ANKRD24: variants seen among roughly 807,000 people sequenced by gnomAD.
ANKRD24 encodes ankyrin repeat domain 24, also known as ankyrin repeat domain-containing protein 24.
Under a neutral mutation model 127.8 loss-of-function variants are expected in ANKRD24, and 109 were observed. That is an observed-to-expected ratio of 0.85 (90% confidence interval 0.73 to 1.00). The LOEUF (loss-of-function observed/expected upper bound fraction) is 1.00. Among genes scored for constraint, ANKRD24 ranks in the 50% least tolerant of loss-of-function variants. The pLI is 0.00. For missense variants in ANKRD24, 1,648 were observed against 1,570.2 expected (o/e 1.05, Z -0.84); for synonymous variants, 743 against 671.1 (o/e 1.11, Z -1.66).
chr19:4,203,572 C>T (rs999177312), intron 7 of ANKRD24, among the ~76,000 whole-genome samples: 1 of 152,090 alleles, frequency 6.6e-6, no homozygotes, highest in Non-Finnish European at 1.5e-5. Flanking sequence ...TGATCTCAAA[C>T]TCCTGGGCTC....
chr19:4,203,015 C>T, intron 7 of ANKRD24, 89 bp downstream of exon 7: 1 of 1,126,710 alleles, frequency 8.9e-7, no homozygotes, highest in African/African-American at 1.6e-5. Context: ...GGGACCTGAC[C>T]TGCTGTGAAG....
chr19:4,221,627 G>A (rs1014421504), intron 19 of ANKRD24, among the ~76,000 whole-genome samples: 1 of 152,180 alleles, frequency 6.6e-6, no homozygotes, highest in Non-Finnish European at 1.5e-5. Context: ...CACTGGACAG[G>A]AGACGAGACA....
chr19:4,214,279 C>T (rs972982774), intron 15 of ANKRD24, among the ~76,000 whole-genome samples: 2 of 151,328 alleles, frequency 1.3e-5, no homozygotes, highest in African/African-American at 4.9e-5. Flanking sequence ...GCAATCCTCT[C>T]ACCTCAGCCT....
chr19:4,198,549 G>A lies in ANKRD24; in HGVS notation c.37-1134G>A. ...TCCTTCGCGGTAGGGCCCGGGGAGG[G>A]GGCGCAGGAGCGGGCGGGGCGCGGG... On this transcript the variant is annotated intron_variant, in intron 2 of 21. Transcript: ENST00000318934. The surrounding 1 kb of genome is among the most constrained non-coding windows in gnomAD (Gnocchi z 6.1). 1 of 549,938 alleles carries A rather than the reference G, an allele frequency of 1.8e-6. No homozygotes were observed. The highest frequency in any genetic ancestry group is 3.2e-6 in the Non-Finnish European group (1 of 308,278). 34.1% of individuals were successfully genotyped at this position (549,938 alleles called of 1,614,324 possible). A position where few individuals can be genotyped will look rare whatever the true frequency, so the allele number is the denominator to read the frequency against.
rs540123282 is a variant in ANKRD24, at chr19:4,220,700, G to A, written c.3171+942G>A. ...CTCCCGAGTAGCTGGGACTACAGGC[G>A]CCTGCCACCACGCCCGGCTAATTTT... On this transcript the variant is annotated intron_variant, in intron 19 of 21. Coordinates refer to ENST00000318934, the MANE Select transcript of ANKRD24 (RefSeq NM_001393985.1). Among the ~76,000 whole-genome samples the A allele has an allele frequency of 1.4e-3, 214 of 149,386 alleles. 1 individual carries two copies. Among genetic ancestry groups the A allele is most frequent in the African/African-American group, 4.8e-3 (195 of 40,594 alleles).
At chr19:4,194,256 G>C (rs1463376448) in intron 2 of ANKRD24, among the ~76,000 whole-genome samples, 1 of 152,090 alleles carries the variant, frequency 6.6e-6, no homozygotes, top group Non-Finnish European at 1.5e-5. Flanking sequence ...ACTTTCAAGC[G>C]ATTCTCCTGC....
intron 2 of ANKRD24, among the ~76,000 whole-genome samples, chr19:4,194,277 C>G (rs536502654): frequency 3.7e-4 from 57 of 152,270 alleles, no homozygotes; most frequent in African/African-American, 1.3e-3. Context: ...CTCAGACTCC[C>G]GAGCAGCTGG....
In ANKRD24 at chr19:4,208,102, T is replaced by A. The variant is rs1599435938; in HGVS notation, c.832+134T>A. ...GGAGGTCCTAGAGCTTACCCAATTC[T>A]ACTCAGAACAGTTTCAAGGAGCCCC... On this transcript the variant is annotated intron_variant, in intron 10 of 21. Transcript: ENST00000318934. 8.3e-6 allele frequency: 8 copies of A among 958,496 alleles called. No individual in the cohort carries two copies. The East Asian group carries it at 2.1e-4, about 25-fold the overall frequency. The allele number at this position is 958,496 out of a possible 1,614,324, so 59.4% of individuals were successfully genotyped here. A position where few individuals can be genotyped will look rare whatever the true frequency, so the allele number is the denominator to read the frequency against.
chr19:4,185,998 A>T (rs979049592), intron 1 of ANKRD24, among the ~76,000 whole-genome samples: 1 of 152,170 alleles, frequency 6.6e-6, no homozygotes. Context: ...AAAAGAAACC[A>T]TTCTAGGCAG....
intron 13 of ANKRD24, among the ~76,000 whole-genome samples, chr19:4,211,083 G>A (rs955603237): frequency 2.6e-5 from 4 of 151,904 alleles, no homozygotes; most frequent in East Asian, 2.0e-4. Context: ...TCCTCCCGCC[G>A]CGGCCTCCTA....
intron 2 of ANKRD24, among the ~76,000 whole-genome samples, chr19:4,197,565 AGAATGAAT>A (rs111280855): frequency 6.6e-6 from 1 of 151,664 alleles, no homozygotes; most frequent in Non-Finnish European, 1.5e-5. Context: ...GGGTCATATA[AGAATGAAT>A]GAATGAACAA....
In ANKRD24 at chr19:4,207,978, C is replaced by T; in HGVS notation, c.832+10C>T. On this transcript the variant is annotated intron_variant, in intron 10 of 21. Transcript: ENST00000318934. ...CCCTCCCCACCCAGCGGTATGCAAG[C>T]CCCACCTCCCCAATGCATTTGCTTC... 6.8e-7 allele frequency: 1 copy of T among 1,468,888 alleles called. No homozygotes were observed. The highest frequency in any genetic ancestry group is 9.0e-7 in the Non-Finnish European group (1 of 1,110,146). The allele number at this position is 1,468,888 out of a possible 1,614,324, so 91.0% of individuals were successfully genotyped here.
chr19:4,192,489 G>T (rs960466442), intron 2 of ANKRD24, among the ~76,000 whole-genome samples: 6 of 151,368 alleles, frequency 4.0e-5, no homozygotes, highest in African/African-American at 1.5e-4. Flanking sequence ...GGGATTACAG[G>T]CGTGAGCCAC....
intron 2 of ANKRD24, among the ~76,000 whole-genome samples, chr19:4,197,673 A>T (rs1336820311): frequency 6.6e-6 from 1 of 152,072 alleles, no homozygotes; most frequent in Non-Finnish European, 1.5e-5. Flanking sequence ...GAATGAATGA[A>T]TGGGTGAGCC....
chr19:4,213,388 CCCTT>C (rs1165292890), intron 15 of ANKRD24, among the ~76,000 whole-genome samples: 4 of 132,778 alleles, frequency 3.0e-5, no homozygotes, highest in African/African-American at 8.0e-5. Context: ...CTTCTTCCTT[CCCTT>C]CCTTCTTTCT....
chr19:4,183,362 G>A, intron 1 of ANKRD24: 1 of 985,730 alleles, frequency 1.0e-6, no homozygotes, highest in Non-Finnish European at 1.2e-6. Context: ...TGGTGGCCTG[G>A]AGGACTCATT....
intron 15 of ANKRD24, 46 bp downstream of exon 15, chr19:4,212,744 A>C: frequency 6.6e-7 from 1 of 1,512,804 alleles, no homozygotes; most frequent in Non-Finnish European, 8.9e-7. Flanking sequence ...TGGGTCGGGG[A>C]ACTTCTCTCC....
chr19:4,205,383 T>C (rs1969327399), intron 7 of ANKRD24, among the ~76,000 whole-genome samples: 1 of 152,212 alleles, frequency 6.6e-6, no homozygotes, highest in Admixed American at 6.5e-5. Context: ...ACAGAGTTTG[T>C]TGACTGAAAA....
Position 4,198,212 on chromosome 19 carries a change from A to T in ANKRD24, c.37-1471A>T. On this transcript the variant is annotated intron_variant, in intron 2 of 21. Transcript: ENST00000318934. This position sits in a 1 kb window ranked among gnomAD's most constrained non-coding sequence, Gnocchi z 6.1. ...GCGTCCTCCTCATCCTCCAGGCGAC[A>T]AGGTCAGGAGGGGCCGGGGCGGCGC... 1 of 572,022 alleles carries T rather than the reference A, an allele frequency of 1.7e-6. No individual in the cohort carries two copies. Among genetic ancestry groups the T allele is most frequent in the South Asian group, 2.0e-5 (1 of 48,888 alleles). 35.4% of individuals were successfully genotyped at this position (572,022 alleles called of 1,614,324 possible).
Sources: allele counts gnomAD v4.1 joint callset (sites outside exome capture counted in the v4.1 genomes callset), GRCh38; gene constraint gnomAD v4.1.1; non-coding constraint Gnocchi (gnomAD v3.1); transcripts MANE v1.5; gene names NCBI Gene and HGNC (gene_info 2026-07-23, HGNC 2026-07-21).